The following HSD17B7 variants were observed in gnomAD, a reference collection of about 807,000 sequenced individuals.
HSD17B7 encodes 3-keto-steroid reductase/17-beta-hydroxysteroid dehydrogenase 7.
In HSD17B7, 17 loss-of-function variants were observed where a neutral mutation model predicts 34.1. The observed-to-expected ratio is 0.50, with a 90% CI of 0.34 to 0.75. The LOEUF is 0.75. HSD17B7 is among the 30% of genes least tolerant of loss of function. The pLI is 0.01. For synonymous variants in HSD17B7, 122 were observed against 154.6 expected (o/e 0.79, Z 1.56); for missense variants, 296 against 406.6 (o/e 0.73, Z 2.34).
chr1:162,794,457 C>T (rs902584667), intron 2 of HSD17B7, among the ~76,000 whole-genome samples: 4 of 151,768 alleles, frequency 2.6e-5, no homozygotes, highest in African/African-American at 4.8e-5. Flanking sequence ...AGTTTTCTAC[C>T]GCATCTTAAA....
At position 162,812,534 on chromosome 1, in the gene HSD17B7, T is replaced by C; in HGVS notation, c.*114T>C. ...TACAAAAAGAAATAAAAATAATAGCTGGGTGTGGTGGCATGCGCATGTAGT... is the reference window on the plus strand; with the variant it reads ...TACAAAAAGAAATAAAAATAATAGCCGGGTGTGGTGGCATGCGCATGTAGT... On this transcript the variant is annotated 3_prime_UTR_variant, in exon 9 of 9. Coordinates refer to ENST00000254521, the MANE Select transcript of HSD17B7 (RefSeq NM_016371.4). 1 of 865,756 alleles carries C rather than the reference T, an allele frequency of 1.2e-6. No individual in the cohort carries two copies. The highest frequency in any genetic ancestry group is 1.7e-6 in the Non-Finnish European group (1 of 580,932). 53.6% of individuals were successfully genotyped at this position (865,756 alleles called of 1,614,324 possible). A position where few individuals can be genotyped will look rare whatever the true frequency, so the allele number is the denominator to read the frequency against.
chr1:162,806,490 T>A (rs964824961), intron 8 of HSD17B7, among the ~76,000 whole-genome samples: 1 of 152,222 alleles, frequency 6.6e-6, no homozygotes, highest in Non-Finnish European at 1.5e-5. Flanking sequence ...GAACCATGCT[T>A]CATATTACAT....
At position 162,799,814 on chromosome 1, in the gene HSD17B7, T is replaced by G; in HGVS notation, c.519T>G (p.Ser173Arg). The G allele has an allele frequency of 6.2e-7, 1 of 1,614,080 alleles. No homozygotes were observed. The highest frequency in any genetic ancestry group is 8.5e-7 in the Non-Finnish European group (1 of 1,179,968). Residue 173 changes from serine (S) to arginine (R), a missense_variant, in exon 5 of 9, where the codon AGT (serine) becomes AGG (arginine). By Grantham distance (110) the Ser-to-Arg change is moderately radical (BLOSUM62 -1). Transcript: ENST00000254521. ...AGCTCATCTGGACATCATCTCGCAG[T>G]GCAAGGAAATCTAATTTCAGCCTCG... ...PSQLIWTSSR[S>R]ARKSNFSLED...
intron 7 of HSD17B7, among the ~76,000 whole-genome samples, chr1:162,804,761 C>G (rs907440846): frequency 1.3e-5 from 2 of 152,220 alleles, no homozygotes; most frequent in Non-Finnish European, 2.9e-5. Flanking sequence ...CTTAGAAGAT[C>G]AAGTTGTTAT....
At chr1:162,794,447 A>C (rs1648530157) in intron 2 of HSD17B7, among the ~76,000 whole-genome samples, 1 of 152,094 alleles carries the variant, frequency 6.6e-6, no homozygotes, top group African/African-American at 2.4e-5. Context: ...GAGCTATTAG[A>C]GTTTTCTACC....
In HSD17B7 at chr1:162,797,935, T is replaced by G. The variant is rs1290238560; in HGVS notation, c.447+19T>G. 3 of 1,612,560 alleles carry G rather than the reference T, an allele frequency of 1.9e-6. No homozygotes were observed. The highest frequency in any genetic ancestry group is 1.7e-4 in the Middle Eastern group (1 of 6,056). ...TATCCTGGTAAAGAAGCTGTGGGCT[T>G]AATAAGCTAATATTTCGTGTGATAG... is the stretch of plus-strand genomic sequence containing the variant. On this transcript the variant is annotated intron_variant, in intron 4 of 8. Transcript: ENST00000254521.
chr1:162,801,130 C>T (rs1377577258), intron 5 of HSD17B7, among the ~76,000 whole-genome samples: 11 of 152,126 alleles, frequency 7.2e-5, no homozygotes, highest in African/African-American at 1.9e-4. Flanking sequence ...CAGGGATGTG[C>T]CACCACACCC....
At position 162,792,685 on chromosome 1, in the gene HSD17B7, G is replaced by T. The variant is rs1202072484; in HGVS notation, c.62G>T (p.Arg21Leu). The T allele has an allele frequency of 3.1e-6, 5 of 1,613,602 alleles. No individual in the cohort carries two copies. The highest frequency in any genetic ancestry group is 1.3e-5 in the African/African-American group (1 of 75,032). Residue 21 changes from arginine (R) to leucine (L), a missense_variant, in exon 2 of 9, where the codon CGG becomes CTG. Arg to Leu is a moderately radical substitution (Grantham distance 102). Coordinates refer to ENST00000254521, the MANE Select transcript of HSD17B7 (RefSeq NM_016371.4). Reference protein sequence around the residue: ...SSGIGLALCKRLLAEDDELHL... With the variant: ...SSGIGLALCKLLLAEDDELHL... The stretch of plus-strand genomic sequence containing the variant: ...GGCATTGGCCTGGCCCTCTGCAAGC[G>T]GCTGCTGGCGGAAGATGATGAGCTT...
Position 162,796,608 on chromosome 1 carries a change from A to G in HSD17B7, c.263A>G (p.Tyr88Cys), listed in dbSNP as rs751099503. ...AGGTTTCAGAGATTAGACTGTATAT[A>G]TCTAAATGCTGGGATCATGCCTAAT... ...KQRFQRLDCI[Y>C]LNAGIMPNPQ... The change falls in exon 3 of 9, where the codon TAT (tyrosine) becomes TGT (cysteine). Residue 88 changes from tyrosine (Y) to cysteine (C), a missense_variant. Tyr to Cys is a radical substitution (Grantham distance 194). Coordinates refer to ENST00000254521, the MANE Select transcript of HSD17B7 (RefSeq NM_016371.4). 6.2e-7 allele frequency: 1 copy of G among 1,610,868 alleles called. No individual in the cohort carries two copies. The highest frequency in any genetic ancestry group is 1.1e-5 in the South Asian group (1 of 91,010).
chr1:162,811,566 A>G (rs1649171858), intron 8 of HSD17B7, among the ~76,000 whole-genome samples: 1 of 152,228 alleles, frequency 6.6e-6, no homozygotes, highest in Non-Finnish European at 1.5e-5. Flanking sequence ...AGAATGTAAA[A>G]TAACTATAGA....
intron 8 of HSD17B7, among the ~76,000 whole-genome samples, chr1:162,809,092 A>G (rs1409046499): frequency 6.6e-6 from 1 of 152,146 alleles, no homozygotes; most frequent in African/African-American, 2.4e-5. Flanking sequence ...TCAGTATGAT[A>G]TTGGCTGTGA....
At position 162,799,728 on chromosome 1, in the gene HSD17B7, T is replaced by C. The variant is rs192839657; in HGVS notation, c.448-15T>C. 714 of 1,608,256 alleles carry C rather than the reference T, an allele frequency of 4.4e-4. 5 individuals carry two copies. In the African/African-American group the frequency reaches 8.5e-3, roughly 19 times the overall value. On this transcript the variant is annotated splice_polypyrimidine_tract_variant and intron_variant, in intron 4 of 8. Coordinates refer to ENST00000254521, the MANE Select transcript of HSD17B7 (RefSeq NM_016371.4). Reference sequence around the variant, plus strand: ...GTCAGTATATTTTAATACTTTTTTTTTTTCTTTCACCCAGATTCGGGAACT... The same window carrying C: ...GTCAGTATATTTTAATACTTTTTTTCTTTCTTTCACCCAGATTCGGGAACT...
At chr1:162,795,936 A>G (rs993194454) in intron 2 of HSD17B7, among the ~76,000 whole-genome samples, 6 of 152,192 alleles carry the variant, frequency 3.9e-5, no homozygotes, top group Non-Finnish European at 5.9e-5. Flanking sequence ...CCCTTCCGTG[A>G]CAAGTATTCA....
chr1:162,790,839 A>G lies in HSD17B7; in HGVS notation c.35+4A>G. On this transcript the variant is annotated splice_donor_region_variant and intron_variant, in intron 1 of 8. Coordinates refer to ENST00000254521, the MANE Select transcript of HSD17B7 (RefSeq NM_016371.4). Reference sequence around the variant, plus strand: ...TTTTGATCACCGGGGCTAGCAGGTGAGGCCTCCTTTGGGTTGGCAGAGGCG... The same window carrying G: ...TTTTGATCACCGGGGCTAGCAGGTGGGGCCTCCTTTGGGTTGGCAGAGGCG... 1 of 1,613,868 alleles carries G rather than the reference A, an allele frequency of 6.2e-7. No homozygotes were observed. Among genetic ancestry groups the G allele is most frequent in the Non-Finnish European group, 8.5e-7 (1 of 1,179,898 alleles).
intron 4 of HSD17B7, 62 bp downstream of exon 4, chr1:162,797,978 G>A: frequency 6.3e-7 from 1 of 1,577,426 alleles, no homozygotes; most frequent in Non-Finnish European, 8.6e-7. Flanking sequence ...AAAGCTCTGG[G>A]CACAGGGCAT....
At chr1:162,806,754 A>G (rs1337494289) in intron 8 of HSD17B7, among the ~76,000 whole-genome samples, 1 of 152,206 alleles carries the variant, frequency 6.6e-6, no homozygotes, top group African/African-American at 2.4e-5. Context: ...TGATTTGTTT[A>G]TCAAGGGGAA....
At chr1:162,803,940 G>A (rs1455754495) in intron 6 of HSD17B7, among the ~76,000 whole-genome samples, 11 of 152,322 alleles carry the variant, frequency 7.2e-5, no homozygotes, top group Non-Finnish European at 1.3e-4. Flanking sequence ...TGATTTGAAC[G>A]TCTTGCAGGA....
chr1:162,798,212 A>G (rs1489798667), intron 4 of HSD17B7: 7 of 371,752 alleles, frequency 1.9e-5, no homozygotes, highest in Non-Finnish European at 3.1e-5. Context: ...AACATTTCGC[A>G]TTGGTATGAT....
chr1:162,805,527 T>G, intron 8 of HSD17B7, 35 bp downstream of exon 8: 1 of 1,605,448 alleles, frequency 6.2e-7, no homozygotes, highest in Non-Finnish European at 8.5e-7. Context: ...TGATGTTTGC[T>G]GTTGGGTTGA....
Sources: allele counts gnomAD v4.1 joint callset (sites outside exome capture counted in the v4.1 genomes callset), GRCh38; gene constraint gnomAD v4.1.1; transcripts MANE v1.5; gene names NCBI Gene and HGNC (gene_info 2026-07-23, HGNC 2026-07-21).